The following SRRM4 variants were observed in gnomAD, a reference collection of about 807,000 sequenced individuals.
SRRM4 encodes the protein serine/arginine repetitive matrix 4.
Under a neutral mutation model 68.9 loss-of-function variants are expected in SRRM4, and 33 were observed. That is an observed-to-expected ratio of 0.48 (90% CI 0.36 to 0.64). The LOEUF (loss-of-function observed/expected upper bound fraction) is 0.64. Ranked by LOEUF, SRRM4 falls within the 30% of genes least tolerant of loss-of-function variation. The pLI, the probability that SRRM4 is intolerant of heterozygous loss-of-function variation, is 0.00. For synonymous variants in SRRM4, 318 were observed against 318.8 expected, an observed-to-expected ratio of 1.00 and a Z score of 0.03; for missense variants, 817 against 827.1, an observed-to-expected ratio of 0.99 and a Z score of 0.15.
chr12:119,050,555 TG>T (rs1730583860), intron 1 of SRRM4, among the ~76,000 whole-genome samples: 3 of 152,160 alleles, frequency 2.0e-5, no homozygotes, highest in Non-Finnish European at 4.4e-5. Context: ...TGCAGCAGAG[TG>T]TAAGACCTTT....
At chr12:119,025,735 T>A (rs1294562565) in intron 1 of SRRM4, among the ~76,000 whole-genome samples, 1 of 152,028 alleles carries the variant, frequency 6.6e-6, no homozygotes, top group Non-Finnish European at 1.5e-5. Context: ...TGAGCCACTG[T>A]GCCGGTCTCA....
chr12:119,069,218 G>C (rs540055796), intron 1 of SRRM4, among the ~76,000 whole-genome samples: 1 of 152,020 alleles, frequency 6.6e-6, no homozygotes, highest in Non-Finnish European at 1.5e-5. Flanking sequence ...GCATGTTACC[G>C]GGGGTTCCTG....
At chr12:119,014,718 T>C (rs973142808) in intron 1 of SRRM4, among the ~76,000 whole-genome samples, 6 of 152,174 alleles carry the variant, frequency 3.9e-5, no homozygotes, top group African/African-American at 1.2e-4. Context: ...AGTGGGCTCC[T>C]CTGGGGCTGT....
At chr12:119,130,014 T>C (rs1199599970) in intron 7 of SRRM4, among the ~76,000 whole-genome samples, 1 of 147,026 alleles carries the variant, frequency 6.8e-6, no homozygotes, top group Non-Finnish European at 1.5e-5. Context: ...GATGGATGAA[T>C]GCATAGATGG....
chr12:119,052,777 C>T (rs1953752363), intron 1 of SRRM4, among the ~76,000 whole-genome samples: 1 of 152,198 alleles, frequency 6.6e-6, no homozygotes, highest in Non-Finnish European at 1.5e-5. Flanking sequence ...ATCTGCCCCA[C>T]CTCGGCCTCC....
chr12:119,092,523 T>C (rs1010882591), intron 1 of SRRM4, among the ~76,000 whole-genome samples: 1 of 152,102 alleles, frequency 6.6e-6, no homozygotes, highest in African/African-American at 2.4e-5. Flanking sequence ...ACCTAAAACC[T>C]TGGAGTCATC....
chr12:119,012,538 CTTG>C (rs1027882656), intron 1 of SRRM4, among the ~76,000 whole-genome samples: 4 of 152,166 alleles, frequency 2.6e-5, no homozygotes, highest in African/African-American at 9.7e-5. Context: ...ACAGTTTTCT[CTTG>C]TTGTTCTCAT....
intron 1 of SRRM4, among the ~76,000 whole-genome samples, chr12:119,080,003 G>A (rs1014146599): frequency 6.6e-6 from 1 of 151,668 alleles, no homozygotes; most frequent in Non-Finnish European, 1.5e-5. Context: ...TAATCAACCC[G>A]AATTCAGCTA....
chr12:118,993,254 T>G (rs913198150), intron 1 of SRRM4, among the ~76,000 whole-genome samples: 1 of 152,108 alleles, frequency 6.6e-6, no homozygotes, highest in Non-Finnish European at 1.5e-5. Context: ...CAGGCAAGGG[T>G]GGGAATGGTG....
rs549019926 is a variant in SRRM4 at position 119,128,912 on chromosome 12, C to T, written c.615-1766C>T. Among the ~76,000 whole-genome samples, 17 of 152,356 alleles carry T rather than the reference C, an allele frequency of 1.1e-4. No individual in the cohort carries two copies. The South Asian group carries it at 3.1e-3, about 28-fold the overall frequency. The stretch of plus-strand genomic sequence containing the variant: ...CCTCCTGATGGTGTTGGCATCTGAG[C>T]TCCCAGTGCCTACTGAGCTGAGGAG... On this transcript the variant is annotated intron_variant, in intron 7 of 12. Transcript: ENST00000267260.
chr12:119,100,584 G>C (rs1352532969), intron 1 of SRRM4, among the ~76,000 whole-genome samples: 1 of 152,100 alleles, frequency 6.6e-6, no homozygotes, highest in Non-Finnish European at 1.5e-5. Context: ...GTAATCACAG[G>C]AGACATCTCC....
At chr12:119,037,395 G>C (rs1015186505) in intron 1 of SRRM4, among the ~76,000 whole-genome samples, 2 of 152,172 alleles carry the variant, frequency 1.3e-5, no homozygotes, top group East Asian at 1.9e-4. Context: ...CTGGGAGGCA[G>C]GGGGAGAGAC....
At chr12:119,063,811 C>A (rs1464064231) in intron 1 of SRRM4, among the ~76,000 whole-genome samples, 1 of 152,104 alleles carries the variant, frequency 6.6e-6, no homozygotes, top group Non-Finnish European at 1.5e-5. Context: ...AGAATACCAT[C>A]AAACACAAAA....
Position 119,145,387 on chromosome 12 carries a change from G to T in SRRM4, c.778G>T (p.Gly260Trp). 4 of 1,602,070 alleles carry T rather than the reference G, an allele frequency of 2.5e-6. No individual in the cohort carries two copies. The highest frequency in any genetic ancestry group is 1.3e-5 in the African/African-American group (1 of 74,828). Residue 260 changes from glycine (G) to tryptophan (W), a missense_variant, in exon 9 of 13, where the codon GGG becomes TGG. By Grantham distance (184) the Gly-to-Trp change is radical. Coordinates refer to ENST00000267260, the MANE Select transcript of SRRM4 (RefSeq NM_194286.4). ...CGGGTCTTTTTGCTTTCAGATCACT[G>T]GGTCGGGGTCTGCTGCTGACCTCTT... is the stretch of plus-strand genomic sequence containing the variant. ...GYLSARGVIT[G>W]SGSAADLFTK...
At chr12:119,142,607 G>C (rs569900133) in intron 8 of SRRM4, among the ~76,000 whole-genome samples, 140 of 152,228 alleles carry the variant, frequency 9.2e-4, no homozygotes, top group African/African-American at 3.3e-3. Flanking sequence ...CAGCCTCCAG[G>C]TAGCAAACCA....
intron 6 of SRRM4, among the ~76,000 whole-genome samples, chr12:119,123,752 G>C (rs1013080556): frequency 2.0e-5 from 3 of 152,224 alleles, no homozygotes; most frequent in Non-Finnish European, 4.4e-5. Context: ...GTGGCTGCTG[G>C]AGTGAGTTAG....
At chr12:119,132,931 G>C (rs1954307008) in intron 8 of SRRM4, 1 of 152,156 alleles carries the variant, frequency 6.6e-6, no homozygotes, top group African/African-American at 2.4e-5. Flanking sequence ...ATGTTTCTGA[G>C]CTGTACTTTC....
intron 1 of SRRM4, among the ~76,000 whole-genome samples, chr12:119,093,185 A>G (rs11064658): frequency 0.21 from 32,016 of 152,136 alleles, 4,097 homozygotes; most frequent in South Asian, 0.28. Flanking sequence ...CCACTTAATT[A>G]TGTTTATTTT....
Position 119,125,479 on chromosome 12 carries a change from G to A in SRRM4, c.614G>A (p.Arg205Lys). The A allele has an allele frequency of 6.3e-7, 1 of 1,579,682 alleles. No individual in the cohort carries two copies. Among genetic ancestry groups the A allele is most frequent in the Non-Finnish European group, 8.6e-7 (1 of 1,162,538 alleles). ...SESRPSSCES[R>K]HRGRSPEEGQ... is the part of the protein sequence containing the mutation. Reference sequence around the variant, plus strand: ...TCCCGCCCCTCAAGCTGTGAGAGCAGGTAACCCCTTGCCCCAGGATCCTCT... The same window carrying A: ...TCCCGCCCCTCAAGCTGTGAGAGCAAGTAACCCCTTGCCCCAGGATCCTCT... Residue 205 changes from arginine to lysine, a missense_variant and splice_region_variant, in exon 7 of 13, where the codon AGG becomes AAG. Physicochemically the swap from Arg to Lys is conservative, Grantham distance 26. Coordinates refer to ENST00000267260, the MANE Select transcript of SRRM4 (RefSeq NM_194286.4).
Sources: gnomAD v4.1 joint callset for allele counts (sites outside exome capture counted in the v4.1 genomes callset) on GRCh38, gnomAD v4.1.1 for gene constraint, MANE v1.5 for transcripts, NCBI Gene and HGNC (gene_info 2026-07-23, HGNC 2026-07-21) for gene names.